Variants in CRB2 observed in about 807,000 individuals in gnomAD.
CRB2 encodes crumbs cell polarity complex component 2.
Under a neutral mutation model 110.9 loss-of-function variants are expected in CRB2, and 85 were observed. That is an observed-to-expected ratio of 0.77 (90% CI 0.64 to 0.92). The LOEUF (loss-of-function observed/expected upper bound fraction) is 0.92, where lower values mean the gene tolerates loss of function less well. Ranked by LOEUF, CRB2 falls within the 40% of genes least tolerant of loss-of-function variation. CRB2 has a pLI of 0.00. For missense variants in CRB2, 1,843 were observed against 1,851.3 expected, an observed-to-expected ratio of 1.00 and a Z score of 0.08; for synonymous variants, 907 against 831.0, an observed-to-expected ratio of 1.09 and a Z score of -1.57.
In CRB2 at chr9:123,377,367, AGTGT is replaced by A. The variant is rs759456289; in HGVS notation, c.*313_*316del. ...GTTCAGGAGTGTGTGTATCTGGAGG[AGTGT>A]GTGTGTGAGTGTGTACCTGGGCCTG... On this transcript the variant is annotated 3_prime_UTR_variant, in exon 13 of 13. Transcript: ENST00000373631. 2.6e-5 allele frequency: 9 copies of A among 340,174 alleles called. No homozygotes were observed. Among genetic ancestry groups the A allele is most frequent in the African/African-American group, 8.4e-5 (4 of 47,402 alleles). The allele number at this position is 340,174 out of a possible 1,614,324, so 21.1% of individuals were successfully genotyped here. A position where few individuals can be genotyped will look rare whatever the true frequency, so the allele number is the denominator to read the frequency against.
chr9:123,378,152 G>C lies in CRB2; in HGVS notation c.*1090G>C, dbSNP rs190982126. On this transcript the variant is annotated 3_prime_UTR_variant, in exon 13 of 13. Transcript: ENST00000373631. ...AGAGGACTTGAAGGAAGCCCTCTGG[G>C]TTGTCTGCTGAGTACAGGGGCTCAG... 3 of 152,418 alleles carry C rather than the reference G, an allele frequency of 2.0e-5. No individual in the cohort carries two copies. The highest frequency in any genetic ancestry group is 1.3e-4 in the Admixed American group (2 of 15,302). 9.4% of individuals were successfully genotyped at this position (152,418 alleles called of 1,614,324 possible).
At position 123,366,026 on chromosome 9, in the gene CRB2, C is replaced by T. The variant is rs748686090; in HGVS notation, c.528C>T (p.Tyr176=). ...TCCGCTGTGTGTGCGCGCCAGGCTA[C>T]GGGGGCACCCGTTGCCAGCTGGACC... is the stretch of plus-strand genomic sequence containing the variant. The part of the protein sequence containing the change: ...GSFRCVCAPG[Y]GGTRCQLDLD... The change falls in exon 3 of 13, where the codon TAC becomes TAT. Residue 176 remains tyrosine, a synonymous_variant. Transcript: ENST00000373631. 28 of 1,589,588 alleles carry T rather than the reference C, an allele frequency of 1.8e-5. No homozygotes were observed. The highest frequency in any genetic ancestry group is 4.5e-5 in the East Asian group (2 of 44,192).
At chr9:123,375,072 G>A in intron 11 of CRB2, 145 bp from the exon 12 acceptor site, 1 of 1,240,940 alleles carries the variant, frequency 8.1e-7, no homozygotes, top group Non-Finnish European at 1.1e-6. Context: ...CACCTGGCAG[G>A]GCCCAGCTGG....
At chr9:123,356,109 G>A (rs1415145708), upstream of CRB2, 2 of 502,476 alleles carry the variant, frequency 4.0e-6, no homozygotes, top group Non-Finnish European at 6.9e-6. Flanking sequence ...GGAGGCCTGG[G>A]TGGGAGGAGG....
In CRB2 at chr9:123,373,477, C is replaced by A; in HGVS notation, c.2946C>A (p.Thr982=). The A allele has an allele frequency of 6.9e-7, 1 of 1,450,636 alleles. No homozygotes were observed. 89.9% of individuals were successfully genotyped at this position (1,450,636 alleles called of 1,614,324 possible). A position where few individuals can be genotyped will look rare whatever the true frequency, so the allele number is the denominator to read the frequency against. The stretch of plus-strand genomic sequence containing the variant: ...TGCTGTGGCTGGATGGTGCCGCCAC[C>A]CCGGTGGCGCTGCGCGGCCTGGCCA... The part of the protein sequence containing the change: ...RWLLWLDGAA[T]PVALRGLASD... Residue 982 remains threonine (T), a synonymous_variant, in exon 10 of 13, where the codon ACC becomes ACA. Coordinates refer to ENST00000373631, the MANE Select transcript of CRB2 (RefSeq NM_173689.7).
In CRB2 at chr9:123,375,304, C is replaced by T. The variant is rs745683696; in HGVS notation, c.3594C>T (p.Ile1198=). ...CRAAGGVSEC[I]CNARFSGQFC... ...CAGCTGGAGGGGTGTCTGAATGTAT[C>T]TGCAATGCCAGATTCTCCGGCCAGT... Residue 1198 remains isoleucine (I), a synonymous_variant, in exon 12 of 13, where the codon ATC becomes ATT. Transcript: ENST00000373631. 6.2e-7 allele frequency: 1 copy of T among 1,610,090 alleles called. No homozygotes were observed. The highest frequency in any genetic ancestry group is 8.5e-7 in the Non-Finnish European group (1 of 1,177,936).
chr9:123,367,421 A>ACACCCCCAC (rs2041950444), intron 5 of CRB2, 64 bp downstream of exon 5: 1 of 568,684 alleles, frequency 1.8e-6, no homozygotes, highest in African/African-American at 4.8e-5. Context: ...TCTTGTGCCC[A>ACACCCCCAC]CCCCCCCACC....
At chr9:123,358,286 G>C (rs1186691787) in intron 1 of CRB2, among the ~76,000 whole-genome samples, 1 of 152,206 alleles carries the variant, frequency 6.6e-6, no homozygotes, top group Non-Finnish European at 1.5e-5. Flanking sequence ...TGCCACAAAG[G>C]CCCGGCTGGT....
Position 123,376,854 on chromosome 9 carries a change from C to T in CRB2, c.3650C>T (p.Pro1217Leu), listed in dbSNP as rs150489375. ...CTCTTGCAGAAGGGCCTGCCCCTGC[C>T]GCTGCCATTCCCACTGCTGGAGGTG... Reference protein sequence around the residue: ...FCEVAKGLPLPLPFPLLEVAV... With the variant: ...FCEVAKGLPLLLPFPLLEVAV... Residue 1217 changes from proline to leucine, a missense_variant, in exon 13 of 13, where the codon CCG becomes CTG. Coordinates refer to ENST00000373631, the MANE Select transcript of CRB2 (RefSeq NM_173689.7). 128 of 1,608,202 alleles carry T rather than the reference C, an allele frequency of 8.0e-5. No individual in the cohort carries two copies. Among genetic ancestry groups the T allele is most frequent in the Middle Eastern group, 2.1e-4 (1 of 4,820 alleles).
At chr9:123,374,348 C>T (rs1008752114) in intron 10 of CRB2, among the ~76,000 whole-genome samples, 1 of 152,176 alleles carries the variant, frequency 6.6e-6, no homozygotes, top group Non-Finnish European at 1.5e-5. Context: ...TTAGGAGCTG[C>T]TTTTGTTCAG....
rs1231554585 is a variant in CRB2 at position 123,373,788 on chromosome 9, G to A, written c.3257G>A (p.Trp1086Ter). 1 of 1,590,882 alleles carries A rather than the reference G, an allele frequency of 6.3e-7. No homozygotes were observed. The highest frequency in any genetic ancestry group is 8.5e-7 in the Non-Finnish European group (1 of 1,176,468). Residue 1086 changes from tryptophan to a stop codon, truncating the protein, a stop_gained, in exon 10 of 13, where the codon TGG becomes TAG. Coordinates refer to ENST00000373631, the MANE Select transcript of CRB2 (RefSeq NM_173689.7). LOFTEE classifies it high-confidence loss of function. ...TTTGCCTGCGCCTGCGGCCCGGGGT[G>A]GGAAGGCCCGCGCTGCGAAGCCCAC... ...DAFACACGPG[W>*]EGPRCEAHVD...
chr9:123,379,170 G>A (rs2042161540), downstream of CRB2, among the ~76,000 whole-genome samples: 1 of 152,090 alleles, frequency 6.6e-6, no homozygotes, highest in African/African-American at 2.4e-5. Flanking sequence ...GTCAGATGAT[G>A]GGCGAGTCGG....
chr9:123,378,831 T>TTTTTTTTTTTG (rs1588228025), downstream of CRB2: 1 of 132,008 alleles, frequency 7.6e-6, no homozygotes. Context: ...TTTTTTTTTT[T>TTTTTTTTTTTG]TGAGATGGAG....
intron 5 of CRB2, 58 bp downstream of exon 5, chr9:123,367,415 G>GACA: frequency 7.2e-7 from 1 of 1,389,978 alleles, no homozygotes; most frequent in Non-Finnish European, 9.6e-7. Flanking sequence ...GAGGGATCTT[G>GACA]TGCCCACCCC....
At chr9:123,369,778 A>G (rs2797950) in intron 6 of CRB2, among the ~76,000 whole-genome samples, 152,045 of 152,222 alleles carry the variant, frequency 1, 75,934 homozygotes, top group Non-Finnish European at 1. Context: ...ATGGATGGGA[A>G]AGGGCTTCTG....
rs4838055 is a variant in CRB2 at position 123,376,639 on chromosome 9, C to T, written c.3634-199C>T. ...AACTCCTTTGTTGTATAGGCCTCCC[C>T]GAGCAGTGGCTGTGACAGGTGGTTT... On this transcript the variant is annotated intron_variant, in intron 12 of 12. Transcript: ENST00000373631. Among the ~76,000 whole-genome samples, 27,478 of 152,184 alleles carry T rather than the reference C, an allele frequency of 0.18. 2,807 individuals are homozygous for T. The highest frequency in any genetic ancestry group is 0.3 in the Admixed American group (4,541 of 15,292).
rs780857430 is a variant in CRB2 at position 123,370,952 on chromosome 9, G to A, written c.1899G>A (p.Arg633=). The change falls in exon 7 of 13, where the codon CGG becomes CGA. Residue 633 remains arginine, a synonymous_variant. Coordinates refer to ENST00000373631, the MANE Select transcript of CRB2 (RefSeq NM_173689.7). Reference sequence around the variant, plus strand: ...CTCATTTCCGTTGCGACTGTGCCCGGCCCCATAGAGGTCCCACGTGCGCTG... The same window carrying A: ...CTCATTTCCGTTGCGACTGTGCCCGACCCCATAGAGGTCCCACGTGCGCTG... ...LWTHFRCDCA[R]PHRGPTCADE... 3.1e-6 allele frequency: 5 copies of A among 1,608,890 alleles called. No homozygotes were observed. In the South Asian group the frequency reaches 3.3e-5, roughly 11 times the overall value.
At position 123,372,305 on chromosome 9, in the gene CRB2, A is replaced by T; in HGVS notation, c.2565A>T (p.Pro855=). Reference sequence around the variant, plus strand: ...GGTGTCCCGGCCAGCCCTGTCTCCCACCTGCCACGTGTGAGGAGGTCCCTG... The same window carrying T: ...GGTGTCCCGGCCAGCCCTGTCTCCCTCCTGCCACGTGTGAGGAGGTCCCTG... ...QLWCPGQPCL[P]PATCEEVPDG... Residue 855 remains proline (P), a synonymous_variant, in exon 9 of 13, where the codon CCA becomes CCT. Coordinates refer to ENST00000373631, the MANE Select transcript of CRB2 (RefSeq NM_173689.7). 6.2e-7 allele frequency: 1 copy of T among 1,609,354 alleles called. No individual in the cohort carries two copies. The highest frequency in any genetic ancestry group is 8.5e-7 in the Non-Finnish European group (1 of 1,177,572).
chr9:123,373,920 G>A lies in CRB2; in HGVS notation c.3389G>A (p.Arg1130Lys), dbSNP rs565092215. ...CCTGGCTTCGGGGGCCCGCGCTGCAGGTGGGATGGCTGGGCAGGGGGGTGG... is the reference window on the plus strand; with the variant it reads ...CCTGGCTTCGGGGGCCCGCGCTGCAAGTGGGATGGCTGGGCAGGGGGGTGG... ...CPPGFGGPRC[R>K]LPVPSKECSL... The change falls in exon 10 of 13, where the codon AGG becomes AAG. Residue 1130 changes from arginine to lysine, a missense_variant and splice_region_variant. By Grantham distance (26) the Arg-to-Lys change is conservative. Coordinates refer to ENST00000373631, the MANE Select transcript of CRB2 (RefSeq NM_173689.7). The A allele has an allele frequency of 5.8e-6, 9 of 1,550,112 alleles. No individual in the cohort carries two copies. In the South Asian group the frequency reaches 9.5e-5, roughly 16 times the overall value.
Sources: allele counts gnomAD v4.1 joint callset (sites outside exome capture counted in the v4.1 genomes callset), GRCh38; gene constraint gnomAD v4.1.1; transcripts MANE v1.5; gene names NCBI Gene and HGNC (gene_info 2026-07-23, HGNC 2026-07-21).